Variants in FOXP1 observed in about 807,000 individuals in gnomAD.
The protein encoded by FOXP1 is forkhead box P1.
In FOXP1, 15 loss-of-function variants were observed where a neutral mutation model predicts 98.2. The observed-to-expected ratio is 0.15, with a 90% CI of 0.10 to 0.24. The LOEUF (loss-of-function observed/expected upper bound fraction) is 0.24, where lower values mean the gene tolerates loss of function less well. FOXP1 is among the 10% of genes least tolerant of loss of function. The pLI, the probability that FOXP1 is intolerant of heterozygous loss-of-function variation, is 1.00. For synonymous variants in FOXP1, 371 were observed against 314.5 expected, an observed-to-expected ratio of 1.18 and a Z score of -1.90; for missense variants, 633 against 848.5, an observed-to-expected ratio of 0.75 and a Z score of 3.15.
At chr3:71,229,475 C>A (rs2066106465) in intron 5 of FOXP1, among the ~76,000 whole-genome samples, 1 of 152,094 alleles carries the variant, frequency 6.6e-6, no homozygotes, top group South Asian at 2.1e-4. Context: ...TTCAGAAAAT[C>A]TTGGCTTCAC....
At chr3:71,206,893 C>A (rs1255969651) in intron 5 of FOXP1, among the ~76,000 whole-genome samples, 1 of 152,048 alleles carries the variant, frequency 6.6e-6, no homozygotes, top group African/African-American at 2.4e-5. Flanking sequence ...TGTGGGCAAA[C>A]GAGGGAAGTT....
chr3:71,581,636 G>C lies in FOXP1; in HGVS notation c.-385C>G. The C allele has an allele frequency of 1.0e-6, 1 of 985,852 alleles. No individual in the cohort carries two copies. The highest frequency in any genetic ancestry group is 1.7e-5 in the African/African-American group (1 of 57,340). The allele number at this position is 985,852 out of a possible 1,614,324, so 61.1% of individuals were successfully genotyped here. On this transcript the variant is annotated 5_prime_UTR_variant, in exon 2 of 21. Transcript: ENST00000649528. ...CACCATGGTCCCCGGCGCCGCTGCCGCTGCCCCCGGCCCGCTCGCTCGCTC... is the reference window on the plus strand; with the variant it reads ...CACCATGGTCCCCGGCGCCGCTGCCCCTGCCCCCGGCCCGCTCGCTCGCTC...
At chr3:71,145,550 AAAAAC>A (rs932591081) in intron 6 of FOXP1, among the ~76,000 whole-genome samples, 1 of 152,202 alleles carries the variant, frequency 6.6e-6, no homozygotes, top group East Asian at 1.9e-4. Flanking sequence ...TCAAAAAAAC[AAAAAC>A]AAAACAAAAC....
At chr3:71,313,086 G>A (rs1450623048) in intron 4 of FOXP1, among the ~76,000 whole-genome samples, 1 of 137,728 alleles carries the variant, frequency 7.3e-6, no homozygotes, top group Non-Finnish European at 1.5e-5. Flanking sequence ...TTGAGATGGA[G>A]TCTCGCTGTG....
chr3:71,508,413 G>C (rs528964601), intron 2 of FOXP1, among the ~76,000 whole-genome samples: 1 of 152,182 alleles, frequency 6.6e-6, no homozygotes, highest in Non-Finnish European at 1.5e-5. Context: ...CGCTGGGCTC[G>C]TGAGGGAAGG....
At chr3:71,222,685 T>C (rs908611423) in intron 5 of FOXP1, among the ~76,000 whole-genome samples, 1 of 152,122 alleles carries the variant, frequency 6.6e-6, no homozygotes, top group African/African-American at 2.4e-5. Context: ...TCCCAAAGCC[T>C]TGGTCTTTTT....
chr3:71,264,615 G>A (rs963098595), intron 5 of FOXP1, among the ~76,000 whole-genome samples: 10 of 152,142 alleles, frequency 6.6e-5, no homozygotes, highest in Admixed American at 5.2e-4. Context: ...TGGCTGGTTT[G>A]CTGAGCACTA....
At chr3:71,487,512 T>C (rs1460848407) in intron 3 of FOXP1, among the ~76,000 whole-genome samples, 1 of 152,238 alleles carries the variant, frequency 6.6e-6, no homozygotes, top group African/African-American at 2.4e-5. Flanking sequence ...AAATGGTGAC[T>C]CTGTAAGCCT....
chr3:71,524,285 A>G (rs776395757), intron 2 of FOXP1, among the ~76,000 whole-genome samples: 3 of 152,162 alleles, frequency 2.0e-5, no homozygotes, highest in Non-Finnish European at 2.9e-5. Context: ...AATCACTTGA[A>G]TCAGGAAGCA....
intron 6 of FOXP1, among the ~76,000 whole-genome samples, chr3:71,192,257 G>T (rs898750192): frequency 1.3e-5 from 2 of 152,164 alleles, no homozygotes; most frequent in Non-Finnish European, 2.9e-5. Flanking sequence ...GTGGTAGAAT[G>T]GTACGGCCAA....
rs898212385 is a variant in FOXP1, at chr3:70,992,594, G to A, written c.1063-4517C>T. 2.0e-5 allele frequency among the ~76,000 whole-genome samples: 3 copies of A among 152,068 alleles called. No individual in the cohort carries two copies. In the South Asian group the frequency reaches 6.2e-4, roughly 31 times the overall value. ...CTTTCACACCAACTACCGCATTCAG[G>A]TGGTGGGCAATATATGGCTCATTGC... On this transcript the variant is annotated intron_variant, in intron 13 of 20. Coordinates refer to ENST00000649528, the MANE Select transcript of FOXP1 (RefSeq NM_001349338.3).
chr3:71,401,377 G>C (rs2081950348), intron 3 of FOXP1, among the ~76,000 whole-genome samples: 1 of 152,044 alleles, frequency 6.6e-6, no homozygotes, highest in South Asian at 2.1e-4. Flanking sequence ...GCCAGGGGAG[G>C]GTATCAATTG....
intron 7 of FOXP1, among the ~76,000 whole-genome samples, chr3:71,103,670 A>G (rs1306714293): frequency 6.6e-6 from 1 of 152,158 alleles, no homozygotes; most frequent in Non-Finnish European, 1.5e-5. Flanking sequence ...TGTGTCAGAA[A>G]AGTGCCACGG....
chr3:71,019,231 G>A (rs921372503), intron 11 of FOXP1, among the ~76,000 whole-genome samples: 17 of 152,170 alleles, frequency 1.1e-4, no homozygotes, highest in South Asian at 2.1e-4. Flanking sequence ...GATGAAACAT[G>A]GTGGGAAAAG....
chr3:71,374,542 A>AAG (rs1258483502), intron 3 of FOXP1, among the ~76,000 whole-genome samples: 1 of 152,108 alleles, frequency 6.6e-6, no homozygotes, highest in Non-Finnish European at 1.5e-5. Flanking sequence ...GTAGTGAGCC[A>AAG]AGAGTGCGCC....
intron 4 of FOXP1, among the ~76,000 whole-genome samples, chr3:71,354,638 G>A (rs1170225516): frequency 2.6e-5 from 4 of 152,234 alleles, no homozygotes; most frequent in Non-Finnish European, 4.4e-5. Flanking sequence ...AAATATAATC[G>A]GGAATCAAGG....
intron 6 of FOXP1, chr3:71,130,796 T>G (rs770830356): frequency 1.4e-6 from 2 of 1,437,068 alleles, no homozygotes; most frequent in Non-Finnish European, 1.8e-6. Context: ...CTTTCAAAGT[T>G]GAAAGATCAG....
chr3:71,153,470 A>G (rs937313477), intron 6 of FOXP1, among the ~76,000 whole-genome samples: 5 of 151,432 alleles, frequency 3.3e-5, no homozygotes, highest in African/African-American at 1.2e-4. Flanking sequence ...GAAGGCTTTG[A>G]ACGTTGACCA....
chr3:71,222,068 G>A (rs144733135), intron 5 of FOXP1, among the ~76,000 whole-genome samples: 153 of 152,250 alleles, frequency 1.0e-3, no homozygotes, highest in African/African-American at 3.0e-3. Flanking sequence ...CAAGAGAATC[G>A]CTTGAACCCG....
Sources: allele counts gnomAD v4.1 joint callset (sites outside exome capture counted in the v4.1 genomes callset), GRCh38; gene constraint gnomAD v4.1.1; transcripts MANE v1.5; gene names NCBI Gene and HGNC (gene_info 2026-07-23, HGNC 2026-07-21).